Variants in NACC2 observed in about 807,000 individuals in gnomAD.
NACC2 encodes the protein NACC family member 2.
A neutral mutation model predicts 25.1 loss-of-function variants in NACC2; 8 were observed. The observed-to-expected ratio is 0.32, with a 90% confidence interval of 0.19 to 0.57. NACC2 has a LOEUF of 0.57. Among genes scored for constraint, NACC2 ranks in the 20% least tolerant of loss-of-function variants. The pLI, the probability that NACC2 is intolerant of heterozygous loss-of-function variation, is 0.89. For missense variants in NACC2, 644 were observed against 650.2 expected, an observed-to-expected ratio of 0.99 and a Z score of 0.10; for synonymous variants, 435 against 294.7, an observed-to-expected ratio of 1.48 and a Z score of -4.88.
chr9:136,062,606 C>A (rs1210340562), intron 1 of NACC2, among the ~76,000 whole-genome samples: 1 of 152,218 alleles, frequency 6.6e-6, no homozygotes, highest in African/African-American at 2.4e-5. Context: ...TCACACCAGC[C>A]TCATTTATCA....
chr9:136,056,604 C>G (rs1310912303), intron 1 of NACC2, among the ~76,000 whole-genome samples: 3 of 152,238 alleles, frequency 2.0e-5, no homozygotes, highest in Non-Finnish European at 4.4e-5. Context: ...GAGGAGAGTT[C>G]CACCCAGGAA....
At chr9:136,051,667 C>T (rs1840840652) in intron 1 of NACC2, among the ~76,000 whole-genome samples, 1 of 151,984 alleles carries the variant, frequency 6.6e-6, no homozygotes, top group Non-Finnish European at 1.5e-5. Context: ...CAGGTGGACG[C>T]GCGCCGGGGG....
At chr9:136,042,680 A>G (rs1242785298) in intron 2 of NACC2, among the ~76,000 whole-genome samples, 1 of 150,934 alleles carries the variant, frequency 6.6e-6, no homozygotes, top group East Asian at 2.0e-4. Context: ...AGACACACAG[A>G]CATACACACA....
At chr9:136,048,383 C>T (rs1479247574) in intron 2 of NACC2, among the ~76,000 whole-genome samples, 3 of 152,168 alleles carry the variant, frequency 2.0e-5, no homozygotes, top group Non-Finnish European at 2.9e-5. Flanking sequence ...TGTGGTGAGC[C>T]GGAGCCCGGT....
chr9:136,050,535 C>CGGCGG lies in NACC2; in HGVS notation c.-19_-15dup. 1.3e-6 allele frequency: 1 copy of CGGCGG among 755,996 alleles called. No homozygotes were observed. The highest frequency in any genetic ancestry group is 2.4e-6 in the Non-Finnish European group (1 of 414,618). The allele number at this position is 755,996 out of a possible 1,614,324, so 46.8% of individuals were successfully genotyped here. ...CATCTGAGACATGGCGGGCGGGCAG[C>CGGCGG]GGCGGGGCTGGGCTCTCAGCGCGGG... On this transcript the variant is annotated 5_prime_UTR_variant, in exon 2 of 6. Transcript: ENST00000277554.
At position 136,013,367 on chromosome 9, in the gene NACC2, A is replaced by G; in HGVS notation, c.1158-71T>C. The G allele has an allele frequency of 6.9e-7, 1 of 1,440,088 alleles. No individual in the cohort carries two copies. Among genetic ancestry groups the G allele is most frequent in the Admixed American group, 1.8e-5 (1 of 56,786 alleles). 89.2% of individuals were successfully genotyped at this position (1,440,088 alleles called of 1,614,324 possible). On this transcript the variant is annotated intron_variant, in intron 4 of 5. Coordinates refer to ENST00000277554, the MANE Select transcript of NACC2 (RefSeq NM_144653.5). The surrounding 1 kb of genome is among the most constrained non-coding windows in gnomAD (Gnocchi z 6.6). ...GGGTACCTGGAGGCGACCCGCCCGC[A>G]CGAATGCCCTGCTGGGAGGCCACTT...
At chr9:136,076,328 T>G (rs1346858523) in intron 1 of NACC2, among the ~76,000 whole-genome samples, 1 of 152,116 alleles carries the variant, frequency 6.6e-6, no homozygotes, top group Non-Finnish European at 1.5e-5. Context: ...GTTCCTCAAA[T>G]GTTCTCTGAG....
At chr9:136,068,117 T>G (rs997259027) in intron 1 of NACC2, among the ~76,000 whole-genome samples, 1 of 152,204 alleles carries the variant, frequency 6.6e-6, no homozygotes, top group Non-Finnish European at 1.5e-5. Context: ...AGTGAGAGAA[T>G]GTGAAGGACT....
In NACC2 at chr9:136,011,850, A is replaced by G. The variant is rs1468385346; in HGVS notation, c.1430T>C (p.Val477Ala). The G allele has an allele frequency of 6.4e-7, 1 of 1,564,232 alleles. No individual in the cohort carries two copies. The change falls in exon 6 of 6, where the codon GTG becomes GCG. Residue 477 changes from valine (V) to alanine (A), a missense_variant. Coordinates refer to ENST00000277554, the MANE Select transcript of NACC2 (RefSeq NM_144653.5). ...AGGCGGGAACTCGGGGTCGAGGGGC[A>G]CGCTGGCGGCGGCGGAGCCCATGAC... ...RTVMGSAAASVPLDPEFPPAA... is the reference protein window; with the variant it reads ...RTVMGSAAASAPLDPEFPPAA...
At chr9:136,087,523 C>T (rs1036509142) in intron 1 of NACC2, among the ~76,000 whole-genome samples, 2 of 152,338 alleles carry the variant, frequency 1.3e-5, no homozygotes, top group Middle Eastern at 3.4e-3. Context: ...AGCCAGTCCT[C>T]GCAGGGCCCG....
chr9:136,029,618 A>G (rs905280966), intron 2 of NACC2, among the ~76,000 whole-genome samples: 2 of 152,160 alleles, frequency 1.3e-5, no homozygotes, highest in Non-Finnish European at 2.9e-5. Context: ...CGGGGCTGTG[A>G]CACCTTCTTT....
chr9:136,042,388 A>G (rs1840646850), intron 2 of NACC2, among the ~76,000 whole-genome samples: 1 of 152,236 alleles, frequency 6.6e-6, no homozygotes, highest in South Asian at 2.1e-4. Context: ...TGGCATAAGC[A>G]CAGACACACA....
At chr9:136,090,808 G>T (rs1830426373) in intron 1 of NACC2, among the ~76,000 whole-genome samples, 1 of 151,254 alleles carries the variant, frequency 6.6e-6, no homozygotes, top group African/African-American at 2.4e-5. Context: ...TGCCCTCGGG[G>T]CCCCGGTGGC....
intron 1 of NACC2, among the ~76,000 whole-genome samples, chr9:136,088,682 G>A (rs1159467192): frequency 6.6e-6 from 1 of 152,162 alleles, no homozygotes; most frequent in Non-Finnish European, 1.5e-5. Context: ...TCGTGGTCTG[G>A]GGTCACTGAG....
chr9:136,049,595 T>C (rs1455233657), intron 2 of NACC2, 41 bp downstream of exon 2: 1 of 749,538 alleles, frequency 1.3e-6, no homozygotes, highest in Non-Finnish European at 2.5e-6. Flanking sequence ...CAGGCCCCGC[T>C]TCCCAGCCAG....
chr9:136,093,577 C>G (rs1464141691), intron 1 of NACC2, among the ~76,000 whole-genome samples: 1 of 152,242 alleles, frequency 6.6e-6, no homozygotes, highest in Non-Finnish European at 1.5e-5. Context: ...CAAGTGATAT[C>G]TTGTTCCACT....
In NACC2 at chr9:136,013,368, C is replaced by A. The variant is rs2280487; in HGVS notation, c.1158-72G>T. On this transcript the variant is annotated intron_variant, in intron 4 of 5. Coordinates refer to ENST00000277554, the MANE Select transcript of NACC2 (RefSeq NM_144653.5). The surrounding 1 kb of genome is among the most constrained non-coding windows in gnomAD (Gnocchi z 6.6). ...GGTACCTGGAGGCGACCCGCCCGCA[C>A]GAATGCCCTGCTGGGAGGCCACTTG... 5.6e-6 allele frequency: 8 copies of A among 1,419,788 alleles called. No individual in the cohort carries two copies. Among genetic ancestry groups the A allele is most frequent in the Non-Finnish European group, 7.8e-6 (8 of 1,021,820 alleles). The allele number at this position is 1,419,788 out of a possible 1,614,324, so 87.9% of individuals were successfully genotyped here.
rs1228437295 is a variant in NACC2 at position 136,020,958 on chromosome 9, G to A, written c.887-4529C>T. On this transcript the variant is annotated intron_variant, in intron 2 of 5. Coordinates refer to ENST00000277554, the MANE Select transcript of NACC2 (RefSeq NM_144653.5). The surrounding 1 kb of genome is among the most constrained non-coding windows in gnomAD (Gnocchi z 4.7). Reference sequence around the variant, plus strand: ...CGCACCCTACACAAAAACTGCAGAAGGTCTTTATGAGCTTAGGTTAAGCTA... The same window carrying A: ...CGCACCCTACACAAAAACTGCAGAAAGTCTTTATGAGCTTAGGTTAAGCTA... Among the ~76,000 whole-genome samples the A allele has an allele frequency of 2.0e-5, 3 of 152,122 alleles. No individual in the cohort carries two copies. Among genetic ancestry groups the A allele is most frequent in the African/African-American group, 7.2e-5 (3 of 41,402 alleles).
chr9:136,080,603 G>A (rs114515730), intron 1 of NACC2, among the ~76,000 whole-genome samples: 1,529 of 151,912 alleles, frequency 0.01, 27 homozygotes, highest in African/African-American at 0.035. Context: ...AAACTCCAAC[G>A]CTACTGCCAG....
Sources: gnomAD v4.1 joint callset for allele counts (sites outside exome capture counted in the v4.1 genomes callset) on GRCh38, gnomAD v4.1.1 for gene constraint, Gnocchi (gnomAD v3.1) non-coding constraint, MANE v1.5 for transcripts, NCBI Gene and HGNC (gene_info 2026-07-23, HGNC 2026-07-21) for gene names.